Variants in RCL1 observed in about 807,000 individuals in gnomAD.
RCL1 encodes the protein RNA terminal phosphate cyclase like 1, also known as RNA 3'-terminal phosphate cyclase-like protein.
A neutral mutation model predicts 42.4 loss-of-function variants in RCL1; 24 were observed. The ratio of observed to expected loss-of-function variants is 0.57; its 90% CI spans 0.41 to 0.80. The LOEUF (loss-of-function observed/expected upper bound fraction) is 0.80, where lower values mean the gene tolerates loss of function less well. RCL1 is among the 30% of genes least tolerant of loss of function. The pLI is 0.00. For synonymous variants in RCL1, 228 were observed against 177.3 expected (o/e 1.29, Z -2.27); for missense variants, 578 against 467.9 (o/e 1.24, Z -2.17).
At chr9:4,819,421 G>T (rs377186) in intron 1 of RCL1, among the ~76,000 whole-genome samples, 1 of 151,974 alleles carries the variant, frequency 6.6e-6, no homozygotes, top group East Asian at 1.9e-4. Context: ...TTTTCCCCAG[G>T]CTTTTTCTTT....
chr9:4,828,943 T>G (rs1387276518), intron 3 of RCL1, among the ~76,000 whole-genome samples: 1 of 152,234 alleles, frequency 6.6e-6, no homozygotes, highest in Admixed American at 6.5e-5. Context: ...TAATCCTGAA[T>G]AAAGAGTGAC....
chr9:4,810,371 T>A (rs1342041023), intron 1 of RCL1, among the ~76,000 whole-genome samples: 2 of 152,186 alleles, frequency 1.3e-5, no homozygotes, highest in Non-Finnish European at 2.9e-5. Context: ...AAGCATTAAA[T>A]TTTTAACACC....
At chr9:4,842,400 A>G (rs1289572309) in intron 6 of RCL1, among the ~76,000 whole-genome samples, 2 of 152,184 alleles carry the variant, frequency 1.3e-5, no homozygotes, top group Non-Finnish European at 2.9e-5. Flanking sequence ...ATAAGGCCCA[A>G]TGGAAAGATG....
At chr9:4,854,472 C>G (rs17718377) in intron 8 of RCL1, among the ~76,000 whole-genome samples, 33,633 of 152,154 alleles carry the variant, frequency 0.22, 4,795 homozygotes, top group South Asian at 0.4. Context: ...CAGCTCTGTC[C>G]CATATCCAGT....
intron 8 of RCL1, among the ~76,000 whole-genome samples, chr9:4,856,145 G>GC (rs1400974595): frequency 5.9e-5 from 9 of 152,218 alleles, no homozygotes; most frequent in African/African-American, 2.2e-4. Flanking sequence ...GTTGCCGCCA[G>GC]CTGGAAGCTT....
At chr9:4,824,406 A>T (rs1401219057) in intron 2 of RCL1, among the ~76,000 whole-genome samples, 1 of 148,582 alleles carries the variant, frequency 6.7e-6, no homozygotes, top group Admixed American at 6.7e-5. Context: ...GCTAGTACAA[A>T]TGTCTCAGAG....
rs115216700 is a variant in RCL1 at position 4,823,599 on chromosome 9, G to C, written c.188G>C (p.Arg63Pro). 6.2e-7 allele frequency: 1 copy of C among 1,610,634 alleles called. No individual in the cohort carries two copies. The highest frequency in any genetic ancestry group is 8.5e-7 in the Non-Finnish European group (1 of 1,178,562). ...TTGGACAAAATAACGAATGGTTCTC[G>C]AATTGAAATAAACCAAACAGGTAAG... ...RLLDKITNGS[R>P]IEINQTGTTL... Residue 63 changes from arginine (R) to proline (P), a missense_variant, in exon 2 of 9, where the codon CGA (arginine) becomes CCA (proline). Transcript: ENST00000381750.
chr9:4,818,885 A>G (rs2130992974), intron 1 of RCL1, among the ~76,000 whole-genome samples: 1 of 152,060 alleles, frequency 6.6e-6, no homozygotes, highest in African/African-American at 2.4e-5. Context: ...AAAAAAAAAA[A>G]AAAGAAAAAG....
intron 7 of RCL1, among the ~76,000 whole-genome samples, chr9:4,846,798 C>G (rs1022992899): frequency 1.3e-5 from 2 of 152,152 alleles, no homozygotes; most frequent in Non-Finnish European, 1.5e-5. Context: ...GGGTTTATAT[C>G]CCTATAAATA....
chr9:4,834,992 C>G (rs1228977788), intron 5 of RCL1, among the ~76,000 whole-genome samples: 1 of 152,176 alleles, frequency 6.6e-6, no homozygotes, highest in African/African-American at 2.4e-5. Context: ...AGAAAGGAGC[C>G]TTGAAGAACA....
In RCL1 at chr9:4,820,075, A is replaced by G. The variant is rs1816537910; in HGVS notation, c.137-3473A>G. ...TGGTAGCCACTATCCTCACCATTATAGCATTGACTTTGATTCTCTTTATAG... is the reference window on the plus strand; with the variant it reads ...TGGTAGCCACTATCCTCACCATTATGGCATTGACTTTGATTCTCTTTATAG... On this transcript the variant is annotated intron_variant, in intron 1 of 8. Transcript: ENST00000381750. Among the ~76,000 whole-genome samples, 3 of 152,216 alleles carry G rather than the reference A, an allele frequency of 2.0e-5. No individual in the cohort carries two copies. In the South Asian group the frequency reaches 6.2e-4, roughly 31 times the overall value.
At chr9:4,841,789 A>C (rs2129668766) in intron 6 of RCL1, among the ~76,000 whole-genome samples, 1 of 152,338 alleles carries the variant, frequency 6.6e-6, no homozygotes, top group Admixed American at 6.5e-5. Context: ...ATCCAGAGAA[A>C]GTTGTTATTG....
At chr9:4,839,167 C>G (rs1817233303) in intron 5 of RCL1, among the ~76,000 whole-genome samples, 1 of 152,158 alleles carries the variant, frequency 6.6e-6, no homozygotes, top group African/African-American at 2.4e-5. Flanking sequence ...TTCTAAGCAA[C>G]TGGCTTTAAA....
chr9:4,813,894 T>C (rs554751685), intron 1 of RCL1, among the ~76,000 whole-genome samples: 2 of 152,142 alleles, frequency 1.3e-5, no homozygotes, highest in African/African-American at 4.8e-5. Context: ...TGTAGGGACA[T>C]GGATAAAACT....
chr9:4,797,831 C>A (rs1424193548), intron 1 of RCL1, among the ~76,000 whole-genome samples: 1 of 152,060 alleles, frequency 6.6e-6, no homozygotes, highest in Non-Finnish European at 1.5e-5. Flanking sequence ...AAAACTGTCC[C>A]CTTCCATTGC....
intron 6 of RCL1, 107 bp from the exon 7 acceptor site, chr9:4,844,418 G>A: frequency 1.2e-6 from 1 of 819,860 alleles, no homozygotes. Context: ...AGAAGCCTTT[G>A]AACACAGTGC....
chr9:4,795,578 G>A (rs71496496), intron 1 of RCL1, among the ~76,000 whole-genome samples: 2 of 152,122 alleles, frequency 1.3e-5, no homozygotes, highest in Middle Eastern at 3.2e-3. Context: ...AGATGTAGCC[G>A]GAAGCCTATG....
intron 8 of RCL1, among the ~76,000 whole-genome samples, chr9:4,853,040 T>G (rs1226879691): frequency 6.6e-6 from 1 of 152,194 alleles, no homozygotes. Flanking sequence ...ACTACACACA[T>G]CTTATTGATC....
intron 1 of RCL1, among the ~76,000 whole-genome samples, chr9:4,807,346 A>AC (rs1191780427): frequency 5.9e-5 from 9 of 152,216 alleles, no homozygotes; most frequent in Non-Finnish European, 8.8e-5. Context: ...TGGAGCATAG[A>AC]TTATTGGGAA....
Sources: allele counts gnomAD v4.1 joint callset (sites outside exome capture counted in the v4.1 genomes callset), GRCh38; gene constraint gnomAD v4.1.1; transcripts MANE v1.5; gene names NCBI Gene and HGNC (gene_info 2026-07-23, HGNC 2026-07-21).